SIPA1L3: variants seen among roughly 807,000 people sequenced by gnomAD.
SIPA1L3 encodes the protein signal induced proliferation associated 1 like 3.
In SIPA1L3, 59 loss-of-function variants were observed where a neutral mutation model predicts 150.1. That is an observed-to-expected ratio of 0.39 (90% CI 0.32 to 0.49). The LOEUF (loss-of-function observed/expected upper bound fraction) is 0.49. Ranked by LOEUF, SIPA1L3 falls within the 20% of genes least tolerant of loss-of-function variation. The pLI is 0.86. For synonymous variants in SIPA1L3, 1,070 were observed against 1,077.6 expected (o/e 0.99, Z 0.14); for missense variants, 2,211 against 2,489.5 (o/e 0.89, Z 2.38).
rs1172043707 is a variant in SIPA1L3, at chr19:38,110,216, C to T, written c.2134-11C>T. The T allele has an allele frequency of 6.2e-7, 1 of 1,613,622 alleles. No homozygotes were observed. The highest frequency in any genetic ancestry group is 1.7e-5 in the Admixed American group (1 of 59,990). ...GACAGGTTCCTGTCCCCCTCTGTTGCCCTTTCCCAGCTGCTACGGAAGAGG... is the reference window on the plus strand; with the variant it reads ...GACAGGTTCCTGTCCCCCTCTGTTGTCCTTTCCCAGCTGCTACGGAAGAGG... On this transcript the variant is annotated splice_polypyrimidine_tract_variant and intron_variant, in intron 7 of 21. Transcript: ENST00000222345.
intron 15 of SIPA1L3, among the ~76,000 whole-genome samples, chr19:38,176,994 A>AAAAC (rs375098745): frequency 4.6e-5 from 7 of 151,786 alleles, no homozygotes; most frequent in East Asian, 1.9e-4. Context: ...AAACAACAAA[A>AAAAC]AAACAAACAA....
intron 13 of SIPA1L3, among the ~76,000 whole-genome samples, chr19:38,155,979 G>T (rs558214484): frequency 6.6e-6 from 1 of 151,768 alleles, no homozygotes; most frequent in Admixed American, 6.5e-5. Flanking sequence ...TACTCAGGAG[G>T]CTGAGGCAGG....
chr19:38,168,693 A>AGGGTG (rs1419563075), intron 15 of SIPA1L3, among the ~76,000 whole-genome samples: 1 of 152,090 alleles, frequency 6.6e-6, no homozygotes, highest in Non-Finnish European at 1.5e-5. Flanking sequence ...CTGAGATGGG[A>AGGGTG]GGGTGGGTAT....
At chr19:37,952,068 C>T (rs1264356948) in intron 1 of SIPA1L3, among the ~76,000 whole-genome samples, 1 of 151,432 alleles carries the variant, frequency 6.6e-6, no homozygotes, top group Non-Finnish European at 1.5e-5. Context: ...AGAATTAAGA[C>T]AGGTCTTTCT....
At position 38,045,302 on chromosome 19, in the gene SIPA1L3, G is replaced by A. The variant is rs552746536; in HGVS notation, c.-311+16146G>A. ...TGAGGCACAAGAATCACTTGAACCC[G>A]GGAGGCGGAAGGTTGCAGTGAGCTG... On this transcript the variant is annotated intron_variant, in intron 2 of 21. Transcript: ENST00000222345. 1.9e-3 allele frequency among the ~76,000 whole-genome samples: 285 copies of A among 152,142 alleles called. 1 individual carries two copies. Among genetic ancestry groups the A allele is most frequent in the Non-Finnish European group, 3.1e-3 (210 of 68,000 alleles).
chr19:37,977,352 A>T (rs1044978665), intron 1 of SIPA1L3, among the ~76,000 whole-genome samples: 1 of 151,942 alleles, frequency 6.6e-6, no homozygotes, highest in African/African-American at 2.4e-5. Context: ...TTTAGCAGAG[A>T]CAGGGTTTTG....
intron 18 of SIPA1L3, among the ~76,000 whole-genome samples, chr19:38,195,571 G>T (rs570740738): frequency 6.6e-6 from 1 of 152,116 alleles, no homozygotes; most frequent in African/African-American, 2.4e-5. Flanking sequence ...TCTGCCCAAG[G>T]CAGGGCTGGT....
intron 1 of SIPA1L3, among the ~76,000 whole-genome samples, chr19:38,027,432 G>C (rs947125656): frequency 6.6e-6 from 1 of 152,146 alleles, no homozygotes; most frequent in African/African-American, 2.4e-5. Flanking sequence ...CTGATTCCTG[G>C]ACCCTGGGGT....
Position 38,194,534 on chromosome 19 carries a change from G to A in SIPA1L3, c.4840+754G>A, listed in dbSNP as rs187713733. On this transcript the variant is annotated intron_variant, in intron 18 of 21. Coordinates refer to ENST00000222345, the MANE Select transcript of SIPA1L3 (RefSeq NM_015073.3). ...GCTGGCGTGCCACTGCGCGTGGGGTGCCCCTGACCTTTTTGAGTTTGTTAC... is the reference window on the plus strand; with the variant it reads ...GCTGGCGTGCCACTGCGCGTGGGGTACCCCTGACCTTTTTGAGTTTGTTAC... 3.5e-4 allele frequency among the ~76,000 whole-genome samples: 54 copies of A among 152,312 alleles called. 1 individual carries two copies. The highest frequency in any genetic ancestry group is 1.2e-3 in the African/African-American group (50 of 41,588).
intron 2 of SIPA1L3, among the ~76,000 whole-genome samples, chr19:38,063,722 C>G (rs948024001): frequency 6.6e-6 from 1 of 152,188 alleles, no homozygotes; most frequent in Non-Finnish European, 1.5e-5. Flanking sequence ...GGAGCAGGCC[C>G]GCAGGCTGGG....
At chr19:37,987,287 G>A (rs1173824255) in intron 1 of SIPA1L3, among the ~76,000 whole-genome samples, 1 of 152,104 alleles carries the variant, frequency 6.6e-6, no homozygotes, top group African/African-American at 2.4e-5. Context: ...CCGGACCTTA[G>A]GTGTCAGAAT....
Position 38,182,636 on chromosome 19 carries a change from C to T in SIPA1L3, c.4326C>T (p.Pro1442=). 1 of 1,614,196 alleles carries T rather than the reference C, an allele frequency of 6.2e-7. No individual in the cohort carries two copies. The highest frequency in any genetic ancestry group is 8.5e-7 in the Non-Finnish European group (1 of 1,180,024). The change falls in exon 16 of 22, where the codon CCC becomes CCT. Residue 1442 remains proline, a synonymous_variant. Coordinates refer to ENST00000222345, the MANE Select transcript of SIPA1L3 (RefSeq NM_015073.3). ...PSPFQLSASV[P]KSFFSKQPVR... ...CCTTTCAGCTCTCCGCCTCCGTCCC[C>T]AAGTCCTTCTTCTCCAAGCAGCCTG...
rs116229753 is a variant in SIPA1L3, at chr19:38,036,306, C to T, written c.-311+7150C>T. 1.0e-2 allele frequency among the ~76,000 whole-genome samples: 1,520 copies of T among 152,370 alleles called. 22 individuals are homozygous for T. Among genetic ancestry groups the T allele is most frequent in the African/African-American group, 0.034 (1,414 of 41,578 alleles). On this transcript the variant is annotated intron_variant, in intron 2 of 21. Coordinates refer to ENST00000222345, the MANE Select transcript of SIPA1L3 (RefSeq NM_015073.3). ...CCCGAATTAGCCCAGACCTTTCATGCAGCCTTGCTGGTTCAGCTTCCTCTG... is the reference window on the plus strand; with the variant it reads ...CCCGAATTAGCCCAGACCTTTCATGTAGCCTTGCTGGTTCAGCTTCCTCTG...
intron 1 of SIPA1L3, among the ~76,000 whole-genome samples, chr19:37,913,813 G>A (rs955218677): frequency 6.6e-6 from 1 of 150,904 alleles, no homozygotes; most frequent in Non-Finnish European, 1.5e-5. Flanking sequence ...TCAGGAGATC[G>A]AGACCATCCT....
chr19:38,082,127 C>CG lies in SIPA1L3; in HGVS notation c.568dup (p.Ala190GlyfsTer229). The CG allele has an allele frequency of 1.9e-6, 3 of 1,606,402 alleles. No individual in the cohort carries two copies. The highest frequency in any genetic ancestry group is 8.5e-7 in the Non-Finnish European group (1 of 1,179,032). On this transcript the variant is annotated frameshift_variant, in exon 3 of 22. Coordinates refer to ENST00000222345, the MANE Select transcript of SIPA1L3 (RefSeq NM_015073.3). LOFTEE classifies it high-confidence loss of function. The stretch of plus-strand genomic sequence containing the variant: ...TGACGCGGAGGACGCGGGGGAGCCG[C>CG]GGGGGGCCCGGCACACGGGGGCGCT...
chr19:38,049,866 A>T (rs899216246), intron 2 of SIPA1L3, among the ~76,000 whole-genome samples: 1 of 151,728 alleles, frequency 6.6e-6, no homozygotes, highest in Admixed American at 6.6e-5. Context: ...AAGGGTGTCA[A>T]GTGGGGTCTC....
intron 1 of SIPA1L3, among the ~76,000 whole-genome samples, chr19:37,946,894 C>T (rs1254671016): frequency 6.6e-6 from 1 of 152,140 alleles, no homozygotes. Context: ...AGATAAAGAT[C>T]TAGCTCCTGG....
intron 1 of SIPA1L3, among the ~76,000 whole-genome samples, chr19:37,948,486 A>G (rs935361094): frequency 6.6e-6 from 1 of 152,064 alleles, no homozygotes. Context: ...AAAAAAAAAA[A>G]AAGAAGAGTG....
chr19:38,188,346 G>A (rs140938842), intron 16 of SIPA1L3, among the ~76,000 whole-genome samples: 2,522 of 151,708 alleles, frequency 0.017, 78 homozygotes, highest in African/African-American at 0.058. Context: ...CAGCATGCCC[G>A]GCTAATTTTT....
Sources: gnomAD v4.1 joint callset for allele counts (sites outside exome capture counted in the v4.1 genomes callset) on GRCh38, gnomAD v4.1.1 for gene constraint, MANE v1.5 for transcripts, NCBI Gene and HGNC (gene_info 2026-07-23, HGNC 2026-07-21) for gene names.